The following BRINP1 variants were observed in gnomAD, a reference collection of about 807,000 sequenced individuals.
BRINP1 encodes the protein BMP/retinoic acid-inducible neural-specific protein 1.
BRINP1 carries 17 observed loss-of-function variants against 72.9 expected under a neutral mutation model. The ratio of observed to expected loss-of-function variants is 0.23; its 90% confidence interval spans 0.16 to 0.35. BRINP1 has a LOEUF of 0.35. Among genes scored for constraint, BRINP1 ranks in the 10% least tolerant of loss-of-function variants. The pLI, the probability that BRINP1 is intolerant of heterozygous loss-of-function variation, is 1.00. For missense variants in BRINP1, 850 were observed against 1,001.6 expected (o/e 0.85, Z 2.04); for synonymous variants, 418 against 378.5 (o/e 1.10, Z -1.21).
chr9:119,352,457 A>G (rs542023287), intron 1 of BRINP1, among the ~76,000 whole-genome samples: 39 of 152,204 alleles, frequency 2.6e-4, no homozygotes, highest in African/African-American at 9.1e-4. Context: ...TTTTTGAGAT[A>G]AAGTCTCACT....
rs1831313948 is a variant in BRINP1, at chr9:119,332,957, G to A, written c.-50-19552C>T. ...ATTAATATTCCCACTTTATAGATAA[G>A]AAAACTGAGGGTCAGTGAAGCAAAG... On this transcript the variant is annotated intron_variant, in intron 1 of 7. Coordinates refer to ENST00000265922, the MANE Select transcript of BRINP1 (RefSeq NM_014618.3). Among the ~76,000 whole-genome samples the A allele has an allele frequency of 2.0e-5, 3 of 152,156 alleles. 1 individual carries two copies. Among genetic ancestry groups the A allele is most frequent in the Admixed American group, 2.0e-4 (3 of 15,274 alleles).
At chr9:119,199,865 A>G (rs1274644519) in intron 7 of BRINP1, among the ~76,000 whole-genome samples, 1 of 150,826 alleles carries the variant, frequency 6.6e-6, no homozygotes, top group East Asian at 1.9e-4. Context: ...AAATAACTTC[A>G]GGATTTGGAT....
At chr9:119,180,864 G>A (rs1241235668) in intron 7 of BRINP1, among the ~76,000 whole-genome samples, 5 of 152,162 alleles carry the variant, frequency 3.3e-5, no homozygotes, top group Non-Finnish European at 7.3e-5. Context: ...CAATTGTGGA[G>A]TGAAGGTAAT....
chr9:119,316,150 A>G, intron 1 of BRINP1, among the ~76,000 whole-genome samples: 1 of 152,084 alleles, frequency 6.6e-6, no homozygotes, highest in African/African-American at 2.4e-5. Context: ...GCGGTGGTGC[A>G]ATCTTGACTC....
intron 7 of BRINP1, among the ~76,000 whole-genome samples, chr9:119,175,273 A>C (rs993491366): frequency 7.9e-5 from 12 of 152,072 alleles, no homozygotes; most frequent in Admixed American, 7.9e-4. Context: ...ACATAAGAAC[A>C]GAAAACAAAA....
chr9:119,210,014 C>T (rs1829906399), intron 6 of BRINP1, among the ~76,000 whole-genome samples: 1 of 152,204 alleles, frequency 6.6e-6, no homozygotes, highest in Non-Finnish European at 1.5e-5. Context: ...TTCAGAGTGT[C>T]AACTTGGCAC....
intron 2 of BRINP1, among the ~76,000 whole-genome samples, chr9:119,297,746 T>A (rs4837629): frequency 0.27 from 41,772 of 152,038 alleles, 6,670 homozygotes; most frequent in Non-Finnish European, 0.36. Flanking sequence ...AGGGCTGGGC[T>A]AATTATACGG....
At chr9:119,169,420 G>A (rs182712671) in intron 7 of BRINP1, among the ~76,000 whole-genome samples, 34 of 152,296 alleles carry the variant, frequency 2.2e-4, no homozygotes, top group African/African-American at 3.4e-4. Flanking sequence ...GTGCTTTTCC[G>A]GCGGGCTTAA....
At chr9:119,215,331 G>C (rs1164820192) in intron 5 of BRINP1, among the ~76,000 whole-genome samples, 1 of 152,182 alleles carries the variant, frequency 6.6e-6, no homozygotes, top group Non-Finnish European at 1.5e-5. Context: ...CCTATGAAAA[G>C]TCAGCAGAGT....
rs1035455029 is a variant in BRINP1, at chr9:119,172,349, A to G, written c.1146-4125T>C. Among the ~76,000 whole-genome samples the G allele has an allele frequency of 3.8e-3, 573 of 152,250 alleles. 5 individuals carry two copies. Among genetic ancestry groups the G allele is most frequent in the African/African-American group, 0.013 (521 of 41,560 alleles). Reference sequence around the variant, plus strand: ...AAACTACCATCAGAGAATACTACAAACACCTCTACACAAATAAACTAGAAA... The same window carrying G: ...AAACTACCATCAGAGAATACTACAAGCACCTCTACACAAATAAACTAGAAA... On this transcript the variant is annotated intron_variant, in intron 7 of 7. Transcript: ENST00000265922.
Position 119,368,706 on chromosome 9 carries a change from A to C in BRINP1, c.-51+350T>G, listed in dbSNP as rs1386022286. 6.6e-6 allele frequency among the ~76,000 whole-genome samples: 1 copy of C among 152,090 alleles called. No individual in the cohort carries two copies. The highest frequency in any genetic ancestry group is 2.4e-5 in the African/African-American group (1 of 41,404). On this transcript the variant is annotated intron_variant, in intron 1 of 7. Transcript: ENST00000265922. This position sits in a 1 kb window ranked among gnomAD's most constrained non-coding sequence, Gnocchi z 4.7. Reference sequence around the variant, plus strand: ...CTCTCTCTCTTCACCCCTCCCTTACACACACGGACACACACACACACCACG... The same window carrying C: ...CTCTCTCTCTTCACCCCTCCCTTACCCACACGGACACACACACACACCACG...
chr9:119,230,483 G>A lies in BRINP1; in HGVS notation c.685+8172C>T, dbSNP rs139359241. 8.5e-3 allele frequency among the ~76,000 whole-genome samples: 1,287 copies of A among 152,066 alleles called. 8 individuals are homozygous for A. Among genetic ancestry groups the A allele is most frequent in the Middle Eastern group, 0.024 (7 of 294 alleles). On this transcript the variant is annotated intron_variant, in intron 5 of 7. Coordinates refer to ENST00000265922, the MANE Select transcript of BRINP1 (RefSeq NM_014618.3). ...GGGAAGGGAGAGATGATGAGACAAG[G>A]AGCTGAACCAAGGCAGAGGGTGGAG...
At chr9:119,233,301 C>A (rs1382553475) in intron 5 of BRINP1, among the ~76,000 whole-genome samples, 2 of 151,898 alleles carry the variant, frequency 1.3e-5, no homozygotes, top group African/African-American at 2.4e-5. Flanking sequence ...TCTTCACCTG[C>A]AAAAATGAGA....
At chr9:119,272,951 A>G (rs1289913057) in intron 2 of BRINP1, among the ~76,000 whole-genome samples, 2 of 152,184 alleles carry the variant, frequency 1.3e-5, no homozygotes, top group African/African-American at 4.8e-5. Flanking sequence ...GAGAAAGTAC[A>G]CATAGAATTC....
At chr9:119,226,330 G>A (rs564753697) in intron 5 of BRINP1, among the ~76,000 whole-genome samples, 2 of 152,092 alleles carry the variant, frequency 1.3e-5, no homozygotes, top group South Asian at 2.1e-4. Context: ...CAATGAGATC[G>A]ACAAGGAATC....
At chr9:119,355,811 A>ACCACAGAGG (rs1211837774) in intron 1 of BRINP1, among the ~76,000 whole-genome samples, 1 of 151,574 alleles carries the variant, frequency 6.6e-6, no homozygotes, top group African/African-American at 2.4e-5. Context: ...ATTCTTAAGG[A>ACCACAGAGG]CCACAGAGGA....
chr9:119,189,213 T>C (rs990976796), intron 7 of BRINP1, among the ~76,000 whole-genome samples: 2 of 150,918 alleles, frequency 1.3e-5, no homozygotes, highest in South Asian at 4.2e-4. Context: ...AAACCAAAGA[T>C]CAGCACTACA....
intron 7 of BRINP1, among the ~76,000 whole-genome samples, chr9:119,173,558 C>T (rs991000281): frequency 1.3e-5 from 2 of 152,130 alleles, no homozygotes; most frequent in African/African-American, 4.8e-5. Context: ...CCATACTGGC[C>T]ATACTGCCCA....
chr9:119,351,995 A>G (rs1053903470), intron 1 of BRINP1, among the ~76,000 whole-genome samples: 3 of 151,726 alleles, frequency 2.0e-5, no homozygotes, highest in African/African-American at 7.3e-5. Context: ...GTGGGGTTTC[A>G]CCATGTTGGC....
Sources: allele counts gnomAD v4.1 joint callset (sites outside exome capture counted in the v4.1 genomes callset), GRCh38; gene constraint gnomAD v4.1.1; non-coding constraint Gnocchi (gnomAD v3.1); transcripts MANE v1.5; gene names NCBI Gene and HGNC (gene_info 2026-07-23, HGNC 2026-07-21).